KLHL40: variants seen among roughly 807,000 people sequenced by gnomAD.
KLHL40 encodes the protein kelch-like protein 40.
KLHL40 carries 44 observed loss-of-function variants against 49.7 expected under a neutral mutation model. The ratio of observed to expected loss-of-function variants is 0.89; its 90% CI spans 0.70 to 1.14. KLHL40 has a LOEUF of 1.14. KLHL40 is among the 50% of genes most tolerant of loss of function. KLHL40 has a pLI of 0.00. For missense variants in KLHL40, 892 were observed against 850.3 expected, an observed-to-expected ratio of 1.05 and a Z score of -0.61; for synonymous variants, 409 against 365.2, an observed-to-expected ratio of 1.12 and a Z score of -1.37.
At position 42,688,262 on chromosome 3, in the gene KLHL40, G is replaced by A. The variant is rs138791086; in HGVS notation, c.1273G>A (p.Gly425Ser). The change falls in exon 2 of 6, where the codon GGC becomes AGC. Residue 425 changes from glycine to serine, a missense_variant. By Grantham distance (56) the Gly-to-Ser change is moderately conservative (BLOSUM62 0). Coordinates refer to ENST00000287777, the MANE Select transcript of KLHL40 (RefSeq NM_152393.4). The surrounding 1 kb of genome is among the most constrained non-coding windows in gnomAD (Gnocchi z 4.2). ...GGTCGGTGGCAGAGAGATCAAGGAC[G>A]GCGAGCGCTGCCTGGACTCGGTCAT... ...YVVGGREIKD[G>S]ERCLDSVMCY... 1,816 of 1,613,998 alleles carry A rather than the reference G, an allele frequency of 1.1e-3. 4 individuals carry two copies. The highest frequency in any genetic ancestry group is 4.1e-3 in the East Asian group (185 of 44,864).
At position 42,692,202 on chromosome 3, in the gene KLHL40, G is replaced by C. The variant is rs756662763; in HGVS notation, c.*209G>C. ...GGGTGAGAAACTAGAGGCTTCTCCA[G>C]TGTTGCCATATCCCCCTAGGTTGTC... On this transcript the variant is annotated 3_prime_UTR_variant, in exon 6 of 6. Coordinates refer to ENST00000287777, the MANE Select transcript of KLHL40 (RefSeq NM_152393.4). 1 of 561,252 alleles carries C rather than the reference G, an allele frequency of 1.8e-6. No individual in the cohort carries two copies. Among genetic ancestry groups the C allele is most frequent in the Non-Finnish European group, 3.2e-6 (1 of 313,446 alleles). 34.8% of individuals were successfully genotyped at this position (561,252 alleles called of 1,614,324 possible). A position where few individuals can be genotyped will look rare whatever the true frequency, so the allele number is the denominator to read the frequency against.
At chr3:42,691,078 C>T (rs1238799986) in intron 5 of KLHL40, 73 bp downstream of exon 5, 3 of 1,461,304 alleles carry the variant, frequency 2.1e-6, no homozygotes, top group Non-Finnish European at 1.8e-6. Context: ...TGGTGGGGTA[C>T]CAAGGCACTG....
chr3:42,692,043 C>T lies in KLHL40; in HGVS notation c.*50C>T, dbSNP rs1229642280. On this transcript the variant is annotated 3_prime_UTR_variant, in exon 6 of 6. Transcript: ENST00000287777. ...CACCCCTCCCATCCTGCGACCCTCACTGGCCTGGCCTTGTGGGGGCTCCAG... is the reference window on the plus strand; with the variant it reads ...CACCCCTCCCATCCTGCGACCCTCATTGGCCTGGCCTTGTGGGGGCTCCAG... 8.8e-7 allele frequency: 1 copy of T among 1,135,062 alleles called. No individual in the cohort carries two copies. The highest frequency in any genetic ancestry group is 1.3e-6 in the Non-Finnish European group (1 of 745,102). The allele number at this position is 1,135,062 out of a possible 1,614,324, so 70.3% of individuals were successfully genotyped here. A position where few individuals can be genotyped will look rare whatever the true frequency, so the allele number is the denominator to read the frequency against.
At position 42,686,756 on chromosome 3, in the gene KLHL40, G is replaced by C. The variant is rs561674449; in HGVS notation, c.1138G>C (p.Ala380Pro). 6.2e-7 allele frequency: 1 copy of C among 1,609,074 alleles called. No homozygotes were observed. The highest frequency in any genetic ancestry group is 2.2e-5 in the East Asian group (1 of 44,828). ...NEDNKEDPMS[A>P]YFLQFDHLDS... is the part of the protein sequence containing the mutation. Reference sequence around the variant, plus strand: ...AGACAACAAAGAGGACCCCATGAGCGCATACTTCCTGCAGGTGCCTGACCA... The same window carrying C: ...AGACAACAAAGAGGACCCCATGAGCCCATACTTCCTGCAGGTGCCTGACCA... Residue 380 changes from alanine to proline, a missense_variant, in exon 1 of 6, where the codon GCA becomes CCA. Coordinates refer to ENST00000287777, the MANE Select transcript of KLHL40 (RefSeq NM_152393.4).
chr3:42,691,922 G>C lies in KLHL40; in HGVS notation c.1795G>C (p.Glu599Gln), dbSNP rs764539039. Residue 599 changes from glutamate (E) to glutamine (Q), a missense_variant, in exon 6 of 6, where the codon GAG (glutamate) becomes CAG (glutamine). Transcript: ENST00000287777. ...GAAGAAATGGGAGGGTGTCCTGCGG[G>C]AGATCGCCTATGCAGCAGGTGCCAC... is the stretch of plus-strand genomic sequence containing the variant. ...EEKKWEGVLR[E>Q]IAYAAGATFL... 8.7e-6 allele frequency: 14 copies of C among 1,613,748 alleles called. No individual in the cohort carries two copies. The highest frequency in any genetic ancestry group is 1.2e-5 in the Non-Finnish European group (14 of 1,179,764).
Position 42,685,758 on chromosome 3 carries a change from ATCG to A in KLHL40, c.141_143del (p.Arg48del). 1 of 1,612,502 alleles carries A rather than the reference ATCG, an allele frequency of 6.2e-7. No homozygotes were observed. The highest frequency in any genetic ancestry group is 1.3e-5 in the African/African-American group (1 of 74,986). ...GCGGGCGAGCGCGAGTTCCCGTGCC[ATCG>A]CCTGGTGCTGGCCGCCTGCAGCCCC... On this transcript the variant is annotated inframe_deletion, in exon 1 of 6. Coordinates refer to ENST00000287777, the MANE Select transcript of KLHL40 (RefSeq NM_152393.4).
rs547747037 is a variant in KLHL40 at position 42,692,083 on chromosome 3, G to A, written c.*90G>A. On this transcript the variant is annotated 3_prime_UTR_variant, in exon 6 of 6. Transcript: ENST00000287777. ...GGGGGCTCCAGAAAAGAGGCTAGGA[G>A]AGGCCAGAGTCTACCTGGATCCAGT... The A allele has an allele frequency of 3.5e-5, 28 of 802,426 alleles. No homozygotes were observed. The highest frequency in any genetic ancestry group is 6.1e-5 in the Non-Finnish European group (28 of 457,224). 49.7% of individuals were successfully genotyped at this position (802,426 alleles called of 1,614,324 possible).
intron 4 of KLHL40, among the ~76,000 whole-genome samples, chr3:42,690,316 T>C (rs952333019): frequency 6.6e-6 from 1 of 152,196 alleles, no homozygotes; most frequent in African/African-American, 2.4e-5. Flanking sequence ...TCAGCAGGGC[T>C]GTGTGCTGTA....
At position 42,685,665 on chromosome 3, in the gene KLHL40, A is replaced by G; in HGVS notation, c.47A>G (p.Gln16Arg). 1 of 1,611,790 alleles carries G rather than the reference A, an allele frequency of 6.2e-7. No homozygotes were observed. ...EQAEEQRLYQ[Q>R]TLLQDGLKDM... Reference sequence around the variant, plus strand: ...GCGGAGGAGCAGCGGTTGTACCAGCAGACGCTCCTGCAAGACGGGCTCAAA... The same window carrying G: ...GCGGAGGAGCAGCGGTTGTACCAGCGGACGCTCCTGCAAGACGGGCTCAAA... Residue 16 changes from glutamine (Q) to arginine (R), a missense_variant, in exon 1 of 6, where the codon CAG becomes CGG. By Grantham distance (43) the Gln-to-Arg change is conservative. Transcript: ENST00000287777.
chr3:42,685,987 C>T lies in KLHL40; in HGVS notation c.369C>T (p.Phe123=). The change falls in exon 1 of 6, where the codon TTC becomes TTT. Residue 123 remains phenylalanine, a synonymous_variant. Coordinates refer to ENST00000287777, the MANE Select transcript of KLHL40 (RefSeq NM_152393.4). ...IPSIFTICVS[F]LQKRLCLSNC... ...CCATCTTCACCATCTGCGTGTCCTT[C>T]CTGCAGAAGCGCCTGTGCCTCTCCA... 2 of 1,611,752 alleles carry T rather than the reference C, an allele frequency of 1.2e-6. No individual in the cohort carries two copies. Among genetic ancestry groups the T allele is most frequent in the Non-Finnish European group, 1.7e-6 (2 of 1,179,992 alleles).
Position 42,686,207 on chromosome 3 carries a change from G to T in KLHL40, c.589G>T (p.Ala197Ser), listed in dbSNP as rs1417656236. ...NVEKEEAVFE[A>S]VMRWAGSGDA... ...GGAGAAGGAGGAGGCAGTGTTCGAG[G>T]CGGTGATGCGGTGGGCGGGTAGCGG... The change falls in exon 1 of 6, where the codon GCG (alanine) becomes TCG (serine). Residue 197 changes from alanine (A) to serine (S), a missense_variant. By Grantham distance (99) the Ala-to-Ser change is moderately conservative. Transcript: ENST00000287777. 3.2e-6 allele frequency: 5 copies of T among 1,566,210 alleles called. 1 individual carries two copies. The South Asian group carries it at 5.7e-5, about 18-fold the overall frequency.
rs1697309142 is a variant in KLHL40, at chr3:42,688,481, G to A, written c.1314-129G>A. On this transcript the variant is annotated intron_variant, in intron 2 of 5. Coordinates refer to ENST00000287777, the MANE Select transcript of KLHL40 (RefSeq NM_152393.4). The surrounding 1 kb of genome is among the most constrained non-coding windows in gnomAD (Gnocchi z 4.2). ...TGGGATCAAAGAACTGAGAGGCCTCGGAAGTTCCAGCAATGGATCTGACGC... is the reference window on the plus strand; with the variant it reads ...TGGGATCAAAGAACTGAGAGGCCTCAGAAGTTCCAGCAATGGATCTGACGC... 3.1e-6 allele frequency: 3 copies of A among 970,036 alleles called. No individual in the cohort carries two copies. The highest frequency in any genetic ancestry group is 1.4e-5 in the South Asian group (1 of 69,054). The allele number at this position is 970,036 out of a possible 1,614,324, so 60.1% of individuals were successfully genotyped here. A position where few individuals can be genotyped will look rare whatever the true frequency, so the allele number is the denominator to read the frequency against.
Position 42,690,880 on chromosome 3 carries a change from C to G in KLHL40, c.1629C>G (p.Phe543Leu), listed in dbSNP as rs914736385. 5 of 1,611,324 alleles carry G rather than the reference C, an allele frequency of 3.1e-6. No individual in the cohort carries two copies. The African/African-American group carries it at 5.3e-5, about 17-fold the overall frequency. ...CCAGGTGGGCACCCTTCGAGGCCTT[C>G]CCACAGGAGCGTAGCTCACTCAGCC... Reference protein sequence around the residue: ...TDNKWAPFEAFPQERSSLSLV... With the variant: ...TDNKWAPFEALPQERSSLSLV... The change falls in exon 5 of 6, where the codon TTC becomes TTG. Residue 543 changes from phenylalanine to leucine, a missense_variant. Transcript: ENST00000287777.
At position 42,692,107 on chromosome 3, in the gene KLHL40, G is replaced by C. The variant is rs1012130460; in HGVS notation, c.*114G>C. 2 of 692,604 alleles carry C rather than the reference G, an allele frequency of 2.9e-6. No individual in the cohort carries two copies. Among genetic ancestry groups the C allele is most frequent in the Admixed American group, 2.2e-5 (1 of 45,054 alleles). 42.9% of individuals were successfully genotyped at this position (692,604 alleles called of 1,614,324 possible). A position where few individuals can be genotyped will look rare whatever the true frequency, so the allele number is the denominator to read the frequency against. On this transcript the variant is annotated 3_prime_UTR_variant, in exon 6 of 6. Coordinates refer to ENST00000287777, the MANE Select transcript of KLHL40 (RefSeq NM_152393.4). ...AGAGGCCAGAGTCTACCTGGATCCA[G>C]TTATGGTGCCTCAGGGGCTGCGTCA...
rs372246096 is a variant in KLHL40, at chr3:42,688,897, G to A, written c.1450G>A (p.Asp484Asn). The A allele has an allele frequency of 3.1e-5, 50 of 1,614,106 alleles. 1 individual carries two copies. In the African/African-American group the frequency reaches 6.4e-4, roughly 21 times the overall value. The change falls in exon 4 of 6, where the codon GAC (aspartate) becomes AAC (asparagine). Residue 484 changes from aspartate to asparagine, a missense_variant. By Grantham distance (23) the Asp-to-Asn change is conservative. Transcript: ENST00000287777. The surrounding 1 kb of genome is among the most constrained non-coding windows in gnomAD (Gnocchi z 4.2). Reference protein sequence around the residue: ...RKCLNKMCVYDPKKFEWKELA... With the variant: ...RKCLNKMCVYNPKKFEWKELA... ...GTGCCTGAACAAGATGTGCGTCTATGACCCCAAGAAGTTTGAGTGGAAGGA... is the reference window on the plus strand; with the variant it reads ...GTGCCTGAACAAGATGTGCGTCTATAACCCCAAGAAGTTTGAGTGGAAGGA...
chr3:42,686,008 C>T lies in KLHL40; in HGVS notation c.390C>T (p.Leu130=). 1 of 1,611,030 alleles carries T rather than the reference C, an allele frequency of 6.2e-7. No homozygotes were observed. Among genetic ancestry groups the T allele is most frequent in the Middle Eastern group, 1.6e-4 (1 of 6,062 alleles). The change falls in exon 1 of 6, where the codon CTC becomes CTT. Residue 130 remains leucine, a synonymous_variant. Transcript: ENST00000287777. The part of the protein sequence containing the change: ...CVSFLQKRLC[L]SNCLAVFRLG... ...CCTTCCTGCAGAAGCGCCTGTGCCT[C>T]TCCAACTGCTTGGCCGTCTTCCGTC...
At position 42,688,348 on chromosome 3, in the gene KLHL40, G is replaced by A. The variant is rs1006420730; in HGVS notation, c.1313+46G>A. ...GCTGAGCTCCGTGGGGGTGAGTGGG[G>A]CATGGAGGCCGCAGCTGGTCTAGGG... On this transcript the variant is annotated intron_variant, in intron 2 of 5. Coordinates refer to ENST00000287777, the MANE Select transcript of KLHL40 (RefSeq NM_152393.4). This position sits in a 1 kb window ranked among gnomAD's most constrained non-coding sequence, Gnocchi z 4.2. The A allele has an allele frequency of 1.2e-6, 2 of 1,600,940 alleles. No homozygotes were observed. The highest frequency in any genetic ancestry group is 1.7e-6 in the Non-Finnish European group (2 of 1,169,040).
At chr3:42,691,527 C>T (rs372683287) in intron 5 of KLHL40, among the ~76,000 whole-genome samples, 8 of 152,012 alleles carry the variant, frequency 5.3e-5, no homozygotes, top group Non-Finnish European at 1.0e-4. Flanking sequence ...GCAGTGCTGC[C>T]GGAGGCTGAG....
In KLHL40 at chr3:42,688,063, T is replaced by C; in HGVS notation, c.1153-79T>C. ...TGGGTTCCCGACCTCCTCCGTGATCTGGGGCAGTGGGACTGAGTGGGGCTG... is the reference window on the plus strand; with the variant it reads ...TGGGTTCCCGACCTCCTCCGTGATCCGGGGCAGTGGGACTGAGTGGGGCTG... On this transcript the variant is annotated intron_variant, in intron 1 of 5. Transcript: ENST00000287777. The surrounding 1 kb of genome is among the most constrained non-coding windows in gnomAD (Gnocchi z 4.2). The C allele has an allele frequency of 6.3e-7, 1 of 1,575,472 alleles. No individual in the cohort carries two copies. Among genetic ancestry groups the C allele is most frequent in the Non-Finnish European group, 8.7e-7 (1 of 1,150,622 alleles).
Sources: allele counts gnomAD v4.1 joint callset (sites outside exome capture counted in the v4.1 genomes callset), GRCh38; gene constraint gnomAD v4.1.1; non-coding constraint Gnocchi (gnomAD v3.1); transcripts MANE v1.5; gene names NCBI Gene and HGNC (gene_info 2026-07-23, HGNC 2026-07-21).